Variants in DACH2 observed in about 807,000 individuals in gnomAD.
The protein encoded by DACH2 is dachshund family transcription factor 2, also known as dachshund homolog 2.
Under a neutral mutation model 35.8 loss-of-function variants are expected in DACH2, and 17 were observed. That is an observed-to-expected ratio of 0.48 (90% CI 0.33 to 0.71). The LOEUF (loss-of-function observed/expected upper bound fraction) is 0.71, where lower values mean the gene tolerates loss of function less well. Ranked by LOEUF, DACH2 falls within the 30% of genes least tolerant of loss-of-function variation. The pLI is 0.02. For synonymous variants in DACH2, 195 were observed against 177.3 expected (o/e 1.10, Z -0.79); for missense variants, 469 against 472.7 (o/e 0.99, Z 0.07).
At position 86,557,255 on chromosome X, in the gene DACH2, A is replaced by G. The variant is rs1008910839; in HGVS notation, c.640+42864A>G. Among the ~76,000 whole-genome samples the G allele has an allele frequency of 2.7e-5, 3 of 111,362 alleles. No homozygotes were observed. In the Admixed American group the frequency reaches 2.9e-4, roughly 11 times the overall value. On this transcript the variant is annotated intron_variant, in intron 3 of 11. Coordinates refer to ENST00000373125, the MANE Select transcript of DACH2 (RefSeq NM_053281.3). Reference sequence around the variant, plus strand: ...TTTCCTGAAACACCCTCACAGACACATCCAGAAATAATGTTTTATCAGCTA... The same window carrying G: ...TTTCCTGAAACACCCTCACAGACACGTCCAGAAATAATGTTTTATCAGCTA...
chrX:86,636,426 C>A (rs1243600481), intron 3 of DACH2, among the ~76,000 whole-genome samples: 1 of 111,232 alleles, frequency 9.0e-6, no homozygotes, highest in Admixed American at 9.6e-5. Context: ...GCAGCCTGGG[C>A]AGCAAGAGTG....
intron 1 of DACH2, among the ~76,000 whole-genome samples, chrX:86,192,426 TTAAC>T (rs1379678036): frequency 1.2e-4 from 13 of 112,310 alleles, no homozygotes; most frequent in African/African-American, 3.6e-4. Flanking sequence ...GCTTTTAACT[TTAAC>T]TATTCAATCT....
chrX:86,445,637 A>C (rs2037258730), intron 2 of DACH2, among the ~76,000 whole-genome samples: 1 of 105,886 alleles, frequency 9.4e-6, no homozygotes, highest in South Asian at 4.3e-4. Context: ...ATTAATGAGC[A>C]TTTTTACAAA....
intron 1 of DACH2, among the ~76,000 whole-genome samples, chrX:86,266,519 T>A (rs184410503): frequency 4.5e-5 from 5 of 111,980 alleles, no homozygotes; most frequent in African/African-American, 1.6e-4. Context: ...TCAAAGTATA[T>A]AGTTTTGTCT....
At chrX:86,438,391 T>C (rs1226216385) in intron 2 of DACH2, among the ~76,000 whole-genome samples, 1 of 109,338 alleles carries the variant, frequency 9.1e-6, no homozygotes, top group Non-Finnish European at 1.9e-5. Flanking sequence ...GCCCGGCTAA[T>C]TTTTTTGTAT....
chrX:86,660,721 T>C (rs1219282641), intron 4 of DACH2, among the ~76,000 whole-genome samples: 1 of 111,652 alleles, frequency 9.0e-6, no homozygotes, highest in African/African-American at 3.2e-5. Context: ...ACAGCATATA[T>C]TGATTTTGAG....
chrX:86,163,828 C>T (rs1201720081), intron 1 of DACH2, among the ~76,000 whole-genome samples: 2 of 111,036 alleles, frequency 1.8e-5, no homozygotes, highest in East Asian at 2.8e-4. Context: ...TTTCTGTCAT[C>T]GATGGGCATG....
chrX:86,445,533 G>A (rs6623675), intron 2 of DACH2, among the ~76,000 whole-genome samples: 34 of 23,283 alleles, frequency 1.5e-3, no homozygotes, highest in Non-Finnish European at 2.5e-3. Flanking sequence ...AGAAAAAAAA[G>A]AAAAAAAAAA....
intron 1 of DACH2, among the ~76,000 whole-genome samples, chrX:86,229,502 A>G (rs1429137532): frequency 1.8e-5 from 2 of 111,789 alleles, no homozygotes; most frequent in Non-Finnish European, 3.8e-5. Context: ...AACTCTGTGA[A>G]GAATGATGGT....
intron 3 of DACH2, among the ~76,000 whole-genome samples, chrX:86,638,815 T>G (rs2040310150): frequency 8.9e-6 from 1 of 112,088 alleles, no homozygotes; most frequent in Admixed American, 9.4e-5. Flanking sequence ...TTAGTGGGTG[T>G]GTAAATTAGT....
chrX:86,185,075 A>C (rs1378889385), intron 1 of DACH2, among the ~76,000 whole-genome samples: 2 of 111,756 alleles, frequency 1.8e-5, no homozygotes, highest in Non-Finnish European at 3.8e-5. Context: ...CACTTTCTTA[A>C]AATTCCAAAT....
At chrX:86,528,130 T>C (rs766758749) in intron 3 of DACH2, among the ~76,000 whole-genome samples, 46 of 111,524 alleles carry the variant, frequency 4.1e-4, no homozygotes, top group Non-Finnish European at 7.0e-4. Flanking sequence ...GAAAAGGAAC[T>C]AAAAGAGCAA....
intron 1 of DACH2, among the ~76,000 whole-genome samples, chrX:86,162,928 T>A (rs1239773002): frequency 9.0e-6 from 1 of 111,131 alleles, no homozygotes; most frequent in Admixed American, 9.6e-5. Context: ...GGTTACATAG[T>A]AGATGTATGT....
At chrX:86,594,462 A>G (rs191186749) in intron 3 of DACH2, among the ~76,000 whole-genome samples, 128 of 112,253 alleles carry the variant, frequency 1.1e-3, no homozygotes, top group African/African-American at 4.0e-3. Context: ...ATGCTGATCT[A>G]CAAGTTTCTC....
intron 2 of DACH2, among the ~76,000 whole-genome samples, chrX:86,396,045 A>T (rs1391141688): frequency 9.0e-6 from 1 of 111,090 alleles, no homozygotes; most frequent in Non-Finnish European, 1.9e-5. Flanking sequence ...CCTCTCCAGC[A>T]CCTGTTGTTT....
chrX:86,603,971 A>T (rs1018653926), intron 3 of DACH2, among the ~76,000 whole-genome samples: 3 of 110,831 alleles, frequency 2.7e-5, no homozygotes, highest in Admixed American at 9.6e-5. Context: ...TTCTCTTATC[A>T]GTTTCTAGTT....
At chrX:86,664,351 ACTT>A (rs2040642475) in intron 4 of DACH2, among the ~76,000 whole-genome samples, 2 of 110,657 alleles carry the variant, frequency 1.8e-5, no homozygotes, top group Non-Finnish European at 1.9e-5. Flanking sequence ...TGAGTGTAGA[ACTT>A]CTTTTGGGAG....
intron 1 of DACH2, among the ~76,000 whole-genome samples, chrX:86,218,435 C>T (rs2032627338): frequency 1.8e-5 from 2 of 111,678 alleles, no homozygotes; most frequent in Middle Eastern, 8.6e-3. Context: ...TAAAATTGGT[C>T]ATCAGAAGCA....
chrX:86,607,863 C>T (rs1261181080), intron 3 of DACH2, among the ~76,000 whole-genome samples: 31 of 97,147 alleles, frequency 3.2e-4, no homozygotes, highest in African/African-American at 4.1e-4. Flanking sequence ...TTTGTTCTTG[C>T]GATAGTTTAC....
Sources: allele counts gnomAD v4.1 joint callset (sites outside exome capture counted in the v4.1 genomes callset), GRCh38; gene constraint gnomAD v4.1.1; transcripts MANE v1.5; gene names NCBI Gene and HGNC (gene_info 2026-07-23, HGNC 2026-07-21).